BAIAP2: variants seen among roughly 807,000 people sequenced by gnomAD.
BAIAP2 encodes the protein BAR/IMD domain containing adaptor protein 2, also known as BAR/IMD domain-containing adapter protein 2.
Under a neutral mutation model 63.0 loss-of-function variants are expected in BAIAP2, and 18 were observed. That is an observed-to-expected ratio of 0.29 (90% CI 0.20 to 0.42). The LOEUF is 0.42. BAIAP2 is among the 10% of genes least tolerant of loss of function. The pLI is 1.00. For missense variants in BAIAP2, 610 were observed against 734.3 expected (o/e 0.83, Z 1.96); for synonymous variants, 386 against 307.6 (o/e 1.25, Z -2.67).
At chr17:81,062,615 C>T (rs1019935465) in intron 3 of BAIAP2, among the ~76,000 whole-genome samples, 14 of 151,966 alleles carry the variant, frequency 9.2e-5, no homozygotes, top group African/African-American at 2.7e-4. Context: ...GTCAGAGCCC[C>T]GTGTTTTCTG....
At chr17:81,097,431 G>A (rs1412424305) in intron 6 of BAIAP2, 6 of 152,318 alleles carry the variant, frequency 3.9e-5, no homozygotes, top group South Asian at 4.1e-4. Context: ...GGAGGCTTGC[G>A]GGGGTAGGCA....
chr17:81,112,927 G>A (rs568793494), intron 13 of BAIAP2, among the ~76,000 whole-genome samples: 6 of 152,228 alleles, frequency 3.9e-5, no homozygotes, highest in Admixed American at 1.3e-4. Flanking sequence ...ATGGTGGCAC[G>A]CGTCTGTAGT....
At chr17:81,106,969 G>A in intron 12 of BAIAP2, 62 bp downstream of exon 12, 1 of 1,453,436 alleles carries the variant, frequency 6.9e-7, no homozygotes, top group Non-Finnish European at 9.1e-7. Flanking sequence ...TCAGCCTGCA[G>A]TCCCCCGTTG....
At chr17:81,064,581 A>AG (rs2051137995) in intron 3 of BAIAP2, among the ~76,000 whole-genome samples, 1 of 148,592 alleles carries the variant, frequency 6.7e-6, no homozygotes, top group Non-Finnish European at 1.5e-5. Context: ...AGCCTGGCCC[A>AG]GGGGTGAAAG....
chr17:81,113,964 T>C (rs1227584003), intron 13 of BAIAP2, among the ~76,000 whole-genome samples: 1 of 142,400 alleles, frequency 7.0e-6, no homozygotes, highest in Non-Finnish European at 1.5e-5. Flanking sequence ...CCCACTTTTT[T>C]TTTTTTTTTT....
chr17:81,081,158 C>T (rs2054539025), intron 3 of BAIAP2, among the ~76,000 whole-genome samples: 1 of 152,216 alleles, frequency 6.6e-6, no homozygotes, highest in Non-Finnish European at 1.5e-5. Flanking sequence ...CCAGGATCCT[C>T]AGTCACAGGA....
intron 3 of BAIAP2, 53 bp from the exon 4 acceptor site, chr17:81,084,779 G>C (rs191702753): frequency 1.3e-6 from 2 of 1,577,862 alleles, no homozygotes; most frequent in Middle Eastern, 1.7e-4. Context: ...GATGACGGTG[G>C]TGACTGCGAG....
At position 81,100,628 on chromosome 17, in the gene BAIAP2, A is replaced by C. The variant is rs372705518; in HGVS notation, c.642+548A>C. ...CACTGTGCCACTGGGCCCCTAGGCC[A>C]CCCAAGACAACCATGACACTGGCCC... On this transcript the variant is annotated intron_variant, in intron 7 of 13. Coordinates refer to ENST00000428708, the MANE Select transcript of BAIAP2 (RefSeq NM_001144888.2). Among the ~76,000 whole-genome samples the C allele has an allele frequency of 3.3e-5, 5 of 152,182 alleles. No individual in the cohort carries two copies. The East Asian group carries it at 7.7e-4, about 24-fold the overall frequency.
intron 13 of BAIAP2, chr17:81,110,190 C>T (rs1184608737): frequency 3.0e-6 from 3 of 985,732 alleles, no homozygotes; most frequent in African/African-American, 1.7e-5. Context: ...CTCCCACACA[C>T]CTCCCCGTGG....
intron 2 of BAIAP2, among the ~76,000 whole-genome samples, chr17:81,057,077 C>T (rs1043821058): frequency 6.6e-6 from 1 of 152,386 alleles, no homozygotes; most frequent in South Asian, 2.1e-4. Context: ...CAGTTATAGG[C>T]CCCTAAGTGG....
chr17:81,045,978 G>C (rs1284475177), intron 1 of BAIAP2, among the ~76,000 whole-genome samples: 1 of 152,186 alleles, frequency 6.6e-6, no homozygotes, highest in Non-Finnish European at 1.5e-5. Flanking sequence ...CCCTCTGCGG[G>C]GTCTCATGGC....
rs377111488 is a variant in BAIAP2 at position 81,063,042 on chromosome 17, G to C, written c.217+5075G>C. ...TTGTGAACAGCATCACTCCATGATT[G>C]AGAGTGGTGTGCAGCCTCCAGGGCC... On this transcript the variant is annotated intron_variant, in intron 3 of 13. Transcript: ENST00000428708. Among the ~76,000 whole-genome samples, 327 of 151,832 alleles carry C rather than the reference G, an allele frequency of 2.2e-3. 1 individual carries two copies. The highest frequency in any genetic ancestry group is 7.2e-3 in the African/African-American group (297 of 41,388).
chr17:81,063,160 G>C (rs189901655), intron 3 of BAIAP2, among the ~76,000 whole-genome samples: 2 of 152,110 alleles, frequency 1.3e-5, no homozygotes, highest in Non-Finnish European at 2.9e-5. Flanking sequence ...GTGTGAGGTG[G>C]ACAGAAACAA....
At chr17:81,036,895 T>C (rs2046348955) in intron 1 of BAIAP2, 1 of 1,535,856 alleles carries the variant, frequency 6.5e-7, no homozygotes, top group Non-Finnish European at 8.7e-7. Context: ...GGAACCTTTT[T>C]CCTATTTTTT....
rs1027034528 is a variant in BAIAP2, at chr17:81,046,345, C to T, written c.55-7323C>T. Among the ~76,000 whole-genome samples the T allele has an allele frequency of 6.6e-6, 1 of 152,156 alleles. No homozygotes were observed. Among genetic ancestry groups the T allele is most frequent in the African/African-American group, 2.4e-5 (1 of 41,434 alleles). Reference sequence around the variant, plus strand: ...TAAGATGCAGTTCAAGATCTGCCTCCTCCAGGCAGCCCTCCCAGCTGTGCT... The same window carrying T: ...TAAGATGCAGTTCAAGATCTGCCTCTTCCAGGCAGCCCTCCCAGCTGTGCT... On this transcript the variant is annotated intron_variant, in intron 1 of 13. Transcript: ENST00000428708. This position sits in a 1 kb window ranked among gnomAD's most constrained non-coding sequence, Gnocchi z 4.5.
chr17:81,038,806 C>T (rs142246043), intron 1 of BAIAP2, among the ~76,000 whole-genome samples: 54 of 152,318 alleles, frequency 3.5e-4, no homozygotes, highest in African/African-American at 1.3e-3. Context: ...GTGCAGAGCT[C>T]ACCATCCCCT....
chr17:81,050,730 T>C (rs138522703), intron 1 of BAIAP2, among the ~76,000 whole-genome samples: 1 of 17,420 alleles, frequency 5.7e-5, no homozygotes, highest in Admixed American at 4.2e-4. Context: ...CACACAAATG[T>C]GCACATGCAC....
intron 7 of BAIAP2, among the ~76,000 whole-genome samples, chr17:81,102,578 C>T (rs182853600): frequency 4.9e-4 from 75 of 152,340 alleles, no homozygotes; most frequent in African/African-American, 1.8e-3. Context: ...GGAAGCCAGC[C>T]CTCGGGCTGT....
intron 1 of BAIAP2, among the ~76,000 whole-genome samples, chr17:81,044,455 T>G (rs1299866430): frequency 6.6e-6 from 1 of 152,250 alleles, no homozygotes; most frequent in Non-Finnish European, 1.5e-5. Flanking sequence ...CTCTTTCTTG[T>G]AAGGCGCTGG....
Sources: gnomAD v4.1 joint callset for allele counts (sites outside exome capture counted in the v4.1 genomes callset) on GRCh38, gnomAD v4.1.1 for gene constraint, Gnocchi (gnomAD v3.1) non-coding constraint, MANE v1.5 for transcripts, NCBI Gene and HGNC (gene_info 2026-07-23, HGNC 2026-07-21) for gene names.